Variants in CSMD3 observed in about 807,000 individuals in gnomAD.
CSMD3 encodes CUB and sushi domain-containing protein 3.
A neutral mutation model predicts 435.2 loss-of-function variants in CSMD3; 177 were observed. The observed-to-expected ratio is 0.41, with a 90% CI of 0.36 to 0.46. The LOEUF is 0.46. CSMD3 is among the 20% of genes least tolerant of loss of function. The pLI is 0.34. For synonymous variants in CSMD3, 1,656 were observed against 1,520.5 expected (o/e 1.09, Z -2.07); for missense variants, 4,265 against 4,504.6 (o/e 0.95, Z 1.52).
intron 6 of CSMD3, among the ~76,000 whole-genome samples, chr8:113,013,319 T>G (rs2086327688): frequency 6.6e-6 from 1 of 152,114 alleles, no homozygotes; most frequent in South Asian, 2.1e-4. Flanking sequence ...ATTCAAATTT[T>G]ATGTTTCATC....
chr8:113,433,691 C>T lies in CSMD3; in HGVS notation c.178+2986G>A, dbSNP rs189450591. Reference sequence around the variant, plus strand: ...GTGCCTTCGCGGTACCTTCGCTGCACGGTGTGTGTTCCCCTGGGATCCACT... The same window carrying T: ...GTGCCTTCGCGGTACCTTCGCTGCATGGTGTGTGTTCCCCTGGGATCCACT... On this transcript the variant is annotated intron_variant, in intron 1 of 70. Transcript: ENST00000297405. Among the ~76,000 whole-genome samples, 9 of 152,184 alleles carry T rather than the reference C, an allele frequency of 5.9e-5. No individual in the cohort carries two copies. The East Asian group carries it at 1.4e-3, about 23-fold the overall frequency.
chr8:113,108,471 A>G (rs1290100647), intron 4 of CSMD3, among the ~76,000 whole-genome samples: 4 of 152,046 alleles, frequency 2.6e-5, no homozygotes, highest in Non-Finnish European at 5.9e-5. Flanking sequence ...AAAATAACAT[A>G]ATTGGAAAAT....
chr8:112,516,252 AAG>A (rs1823657335), intron 28 of CSMD3, among the ~76,000 whole-genome samples: 1 of 152,132 alleles, frequency 6.6e-6, no homozygotes, highest in African/African-American at 2.4e-5. Context: ...ACAGTGTGGT[AAG>A]AGAGAGTATG....
At chr8:113,116,376 T>C (rs917783832) in intron 4 of CSMD3, among the ~76,000 whole-genome samples, 3 of 152,176 alleles carry the variant, frequency 2.0e-5, no homozygotes, top group East Asian at 1.9e-4. Context: ...TCTTCCGCCA[T>C]GTGAAGAAGG....
chr8:112,252,110 A>G (rs1815320866), intron 63 of CSMD3, among the ~76,000 whole-genome samples: 1 of 151,826 alleles, frequency 6.6e-6, no homozygotes, highest in Non-Finnish European at 1.5e-5. Context: ...AAATGATCTG[A>G]GTGCCTCTGT....
In CSMD3 at chr8:112,694,018, T is replaced by G. The variant is rs556667627; in HGVS notation, c.1973-3968A>C. Among the ~76,000 whole-genome samples the G allele has an allele frequency of 4.6e-5, 7 of 151,656 alleles. No individual in the cohort carries two copies. In the East Asian group the frequency reaches 1.4e-3, roughly 29 times the overall value. ...ATTATGTTGTCATTTCCTAAATATT[T>G]AATGACTTTAATGATTGTTATTTCT... On this transcript the variant is annotated intron_variant, in intron 13 of 70. Transcript: ENST00000297405.
chr8:112,624,621 A>G (rs1834337533), intron 22 of CSMD3, among the ~76,000 whole-genome samples: 1 of 152,024 alleles, frequency 6.6e-6, no homozygotes, highest in Non-Finnish European at 1.5e-5. Context: ...GTGACTACCT[A>G]CTAAGATTAT....
At chr8:112,981,487 A>G (rs1033951249) in intron 6 of CSMD3, among the ~76,000 whole-genome samples, 1 of 151,564 alleles carries the variant, frequency 6.6e-6, no homozygotes, top group African/African-American at 2.4e-5. Flanking sequence ...TAAGCGTTAA[A>G]TAGGAAACCA....
intron 4 of CSMD3, among the ~76,000 whole-genome samples, chr8:113,123,530 T>C (rs958642347): frequency 6.6e-6 from 1 of 152,078 alleles, no homozygotes; most frequent in Non-Finnish European, 1.5e-5. Context: ...TTCTTATTAG[T>C]AGAAAACTAA....
At chr8:113,391,101 G>T (rs552297601) in intron 1 of CSMD3, among the ~76,000 whole-genome samples, 1 of 151,848 alleles carries the variant, frequency 6.6e-6, no homozygotes, top group Non-Finnish European at 1.5e-5. Context: ...GCAAACTCTC[G>T]CATATCCCAT....
At chr8:112,893,112 A>G (rs897309150) in intron 10 of CSMD3, among the ~76,000 whole-genome samples, 17 of 151,322 alleles carry the variant, frequency 1.1e-4, no homozygotes, top group African/African-American at 3.6e-4. Flanking sequence ...TACTACTACT[A>G]CTACAACTAC....
chr8:113,098,252 A>C (rs2131543441), intron 5 of CSMD3, among the ~76,000 whole-genome samples: 1 of 152,170 alleles, frequency 6.6e-6, no homozygotes, highest in Non-Finnish European at 1.5e-5. Context: ...TTAGATACAA[A>C]TTTTTAAAAT....
chr8:112,851,986 CA>C (rs1236099545), intron 11 of CSMD3, among the ~76,000 whole-genome samples: 1 of 152,032 alleles, frequency 6.6e-6, no homozygotes, highest in Non-Finnish European at 1.5e-5. Context: ...AAGATTGGTT[CA>C]GGGGTCAACA....
At chr8:112,391,374 A>AAAT (rs1197577517) in intron 35 of CSMD3, among the ~76,000 whole-genome samples, 3 of 152,160 alleles carry the variant, frequency 2.0e-5, no homozygotes, top group African/African-American at 7.2e-5. Flanking sequence ...GGAGTCATTA[A>AAAT]GAGATTGTCT....
intron 20 of CSMD3, among the ~76,000 whole-genome samples, chr8:112,639,572 T>C (rs1004565662): frequency 6.6e-6 from 1 of 152,176 alleles, no homozygotes; most frequent in African/African-American, 2.4e-5. Context: ...TTATAAAACT[T>C]TTCTGTCATT....
intron 30 of CSMD3, among the ~76,000 whole-genome samples, chr8:112,500,544 C>T (rs1586531435): frequency 6.6e-6 from 1 of 151,832 alleles, no homozygotes; most frequent in Non-Finnish European, 1.5e-5. Context: ...CAAAACCAGA[C>T]AAAAAGAGTA....
chr8:113,048,065 T>C (rs1211945076), intron 5 of CSMD3, among the ~76,000 whole-genome samples: 1 of 151,062 alleles, frequency 6.6e-6, no homozygotes, highest in Non-Finnish European at 1.5e-5. Context: ...TGTTAGATAG[T>C]TTGATGTAAC....
intron 32 of CSMD3, among the ~76,000 whole-genome samples, chr8:112,430,507 T>C (rs779850337): frequency 6.6e-6 from 1 of 151,976 alleles, no homozygotes; most frequent in Non-Finnish European, 1.5e-5. Context: ...TACTATTTAA[T>C]TACTAACTGG....
At chr8:112,268,845 A>T (rs1817204444) in intron 59 of CSMD3, among the ~76,000 whole-genome samples, 1 of 152,150 alleles carries the variant, frequency 6.6e-6, no homozygotes. Flanking sequence ...ATTTTACACA[A>T]TCTCCACATT....
Sources: gnomAD v4.1 joint callset for allele counts (sites outside exome capture counted in the v4.1 genomes callset) on GRCh38, gnomAD v4.1.1 for gene constraint, MANE v1.5 for transcripts, NCBI Gene and HGNC (gene_info 2026-07-23, HGNC 2026-07-21) for gene names.